The following TOX variants were observed in gnomAD, a reference collection of about 807,000 sequenced individuals.
The protein encoded by TOX is thymocyte selection-associated high mobility group box protein TOX.
TOX carries 11 observed loss-of-function variants against 53.7 expected under a neutral mutation model. The observed-to-expected ratio is 0.20, with a 90% CI of 0.13 to 0.34. The LOEUF (loss-of-function observed/expected upper bound fraction) is 0.34, where lower values mean the gene tolerates loss of function less well. Among genes scored for constraint, TOX ranks in the 10% least tolerant of loss-of-function variants. The pLI is 1.00. For missense variants in TOX, 570 were observed against 664.6 expected (o/e 0.86, Z 1.56); for synonymous variants, 225 against 245.3 (o/e 0.92, Z 0.77).
At chr8:59,112,993 G>T (rs1325102042) in intron 1 of TOX, among the ~76,000 whole-genome samples, 1 of 152,132 alleles carries the variant, frequency 6.6e-6, no homozygotes, top group African/African-American at 2.4e-5. Flanking sequence ...GAAATCTTGA[G>T]ATTCACACTC....
intron 1 of TOX, among the ~76,000 whole-genome samples, chr8:59,033,931 C>A (rs1450584011): frequency 2.0e-5 from 3 of 152,160 alleles, no homozygotes; most frequent in Non-Finnish European, 2.9e-5. Context: ...GCTGCTCCTG[C>A]CCTTTCAGAC....
intron 4 of TOX, among the ~76,000 whole-genome samples, chr8:58,839,937 C>T (rs551421479): frequency 3.3e-5 from 5 of 152,210 alleles, no homozygotes; most frequent in Admixed American, 1.3e-4. Flanking sequence ...TTAATTTCTC[C>T]GGGCCTCTGT....
At chr8:58,833,914 C>T (rs1810506130) in intron 5 of TOX, among the ~76,000 whole-genome samples, 1 of 152,224 alleles carries the variant, frequency 6.6e-6, no homozygotes, top group African/African-American at 2.4e-5. Flanking sequence ...TTTATCGCTT[C>T]TTTCAGCTTC....
At chr8:59,013,765 A>G (rs569264974) in intron 1 of TOX, among the ~76,000 whole-genome samples, 1 of 152,274 alleles carries the variant, frequency 6.6e-6, no homozygotes, top group Admixed American at 6.5e-5. Context: ...TTCTGCCCCA[A>G]ATTTCCCCAT....
At chr8:58,899,842 G>A (rs986530386) in intron 3 of TOX, among the ~76,000 whole-genome samples, 1 of 152,186 alleles carries the variant, frequency 6.6e-6, no homozygotes, top group Non-Finnish European at 1.5e-5. Flanking sequence ...CCATACTGAA[G>A]TGAGGATCTG....
At chr8:59,027,452 T>TTG (rs1814266862) in intron 1 of TOX, among the ~76,000 whole-genome samples, 1 of 48,200 alleles carries the variant, frequency 2.1e-5, no homozygotes, top group Non-Finnish European at 4.2e-5. Context: ...GGAACAAGGT[T>TTG]TTTTTTTTTA....
chr8:58,897,897 T>A (rs573002382), intron 3 of TOX, among the ~76,000 whole-genome samples: 14 of 152,192 alleles, frequency 9.2e-5, no homozygotes, highest in Middle Eastern at 3.4e-3. Context: ...TGGAAAAAAA[T>A]TTTTTAATTA....
intron 1 of TOX, among the ~76,000 whole-genome samples, chr8:58,961,118 T>G (rs964587706): frequency 2.0e-5 from 3 of 152,192 alleles, no homozygotes; most frequent in Non-Finnish European, 4.4e-5. Flanking sequence ...TAAAAAATAT[T>G]GTACTATAGA....
chr8:58,873,785 C>CT (rs1208723603), intron 3 of TOX, among the ~76,000 whole-genome samples: 3 of 151,874 alleles, frequency 2.0e-5, no homozygotes, highest in Admixed American at 6.6e-5. Flanking sequence ...TATCTGACTA[C>CT]TTTCAATCTT....
chr8:58,868,293 T>C (rs1414405834), intron 3 of TOX, among the ~76,000 whole-genome samples: 1 of 152,198 alleles, frequency 6.6e-6, no homozygotes, highest in Non-Finnish European at 1.5e-5. Context: ...CTCAGGTATG[T>C]CTTTATTAGC....
At chr8:58,997,369 T>G (rs987539626) in intron 1 of TOX, among the ~76,000 whole-genome samples, 3 of 152,210 alleles carry the variant, frequency 2.0e-5, no homozygotes, top group Non-Finnish European at 4.4e-5. Flanking sequence ...TGAACAAACT[T>G]TGAAACTATT....
intron 6 of TOX, among the ~76,000 whole-genome samples, chr8:58,822,204 A>G (rs942704165): frequency 6.6e-6 from 1 of 152,260 alleles, no homozygotes; most frequent in Non-Finnish European, 1.5e-5. Flanking sequence ...CTGTAGTCAG[A>G]GAAAATTAAG....
chr8:58,847,543 G>A (rs1810737927), intron 4 of TOX, among the ~76,000 whole-genome samples: 1 of 152,054 alleles, frequency 6.6e-6, no homozygotes, highest in Non-Finnish European at 1.5e-5. Flanking sequence ...ATGGAAAGGA[G>A]AAAGTCTAAT....
intron 2 of TOX, among the ~76,000 whole-genome samples, chr8:58,939,998 A>G (rs1812409482): frequency 6.6e-6 from 1 of 152,228 alleles, no homozygotes; most frequent in African/African-American, 2.4e-5. Context: ...TGGGTTTTGA[A>G]AGGCTACCTG....
intron 1 of TOX, among the ~76,000 whole-genome samples, chr8:59,048,216 T>C (rs981810137): frequency 6.6e-6 from 1 of 152,200 alleles, no homozygotes; most frequent in Non-Finnish European, 1.5e-5. Context: ...CTTTATATCC[T>C]GGCAGCTTTC....
intron 3 of TOX, among the ~76,000 whole-genome samples, chr8:58,929,886 A>G (rs1268577641): frequency 6.6e-6 from 1 of 152,176 alleles, no homozygotes; most frequent in East Asian, 1.9e-4. Flanking sequence ...AAGTCTTGTA[A>G]TTTTACTGAT....
chr8:58,875,205 G>T (rs1811264508), intron 3 of TOX, among the ~76,000 whole-genome samples: 1 of 152,162 alleles, frequency 6.6e-6, no homozygotes, highest in South Asian at 2.1e-4. Context: ...CAACTAAGGA[G>T]ATTTTTATTA....
chr8:58,863,567 A>C (rs1390094963), intron 3 of TOX, among the ~76,000 whole-genome samples: 1 of 152,160 alleles, frequency 6.6e-6, no homozygotes, highest in East Asian at 1.9e-4. Context: ...CAAAGCCTAT[A>C]TCATAACCAT....
At chr8:58,946,469 T>C (rs1331432755) in intron 2 of TOX, among the ~76,000 whole-genome samples, 3 of 152,190 alleles carry the variant, frequency 2.0e-5, no homozygotes, top group Non-Finnish European at 4.4e-5. Context: ...AATGTATTAC[T>C]GTGGAAAGCT....
Sources: gnomAD v4.1 joint callset for allele counts (sites outside exome capture counted in the v4.1 genomes callset) on GRCh38, gnomAD v4.1.1 for gene constraint, MANE v1.5 for transcripts, NCBI Gene and HGNC (gene_info 2026-07-23, HGNC 2026-07-21) for gene names.